The following CAST variants were observed in gnomAD, a reference collection of about 807,000 sequenced individuals.
CAST encodes MIR583 host.
In CAST, 76 loss-of-function variants were observed where a neutral mutation model predicts 119.6. That is an observed-to-expected ratio of 0.64 (90% CI 0.53 to 0.77). CAST has a LOEUF of 0.77. Among genes scored for constraint, CAST ranks in the 30% least tolerant of loss-of-function variants. The pLI, the probability that CAST is intolerant of heterozygous loss-of-function variation, is 0.00. For synonymous variants in CAST, 319 were observed against 331.6 expected (o/e 0.96, Z 0.41); for missense variants, 953 against 946.5 (o/e 1.01, Z -0.09).
intron 1 of CAST, among the ~76,000 whole-genome samples, chr5:96,670,201 G>T (rs925243270): frequency 2.6e-5 from 4 of 151,976 alleles, no homozygotes; most frequent in Non-Finnish European, 5.9e-5. Context: ...CGATGAAATT[G>T]TCGCCACATT....
the CAST span, among the ~76,000 whole-genome samples, chr5:96,256,651 G>A: frequency 1.3e-5 from 2 of 151,652 alleles, no homozygotes; most frequent in Non-Finnish European, 2.9e-5. Flanking sequence ...ACATAGAAAA[G>A]GTACAGTAAA....
the CAST span, among the ~76,000 whole-genome samples, chr5:96,231,681 T>A: frequency 1.3e-5 from 2 of 152,088 alleles, no homozygotes; most frequent in Admixed American, 1.3e-4. Context: ...TTAGAATAAT[T>A]ATGATATAAT....
chr5:96,491,062 A>T, the CAST span, among the ~76,000 whole-genome samples: 1 of 152,084 alleles, frequency 6.6e-6, no homozygotes. Flanking sequence ...AGAAAAAAAT[A>T]GGCAAAAGAG....
the CAST span, among the ~76,000 whole-genome samples, chr5:96,406,752 C>A: frequency 6.6e-6 from 1 of 152,216 alleles, no homozygotes; most frequent in Non-Finnish European, 1.5e-5. Context: ...TTTGTTCTCT[C>A]TCTAGAGAAT....
chr5:95,986,925 T>A, the CAST span, among the ~76,000 whole-genome samples: 4 of 152,160 alleles, frequency 2.6e-5, no homozygotes, highest in Admixed American at 2.6e-4. Flanking sequence ...CAGAGGCCTG[T>A]GGACCACTCC....
chr5:96,543,665 A>G (rs1745956465), intron 1 of CAST, among the ~76,000 whole-genome samples: 1 of 152,190 alleles, frequency 6.6e-6, no homozygotes, highest in African/African-American at 2.4e-5. Context: ...ATTTATTGAC[A>G]AACCCAAAAT....
the CAST span, among the ~76,000 whole-genome samples, chr5:96,491,212 A>G: frequency 0.84 from 127,026 of 151,784 alleles, 54,116 homozygotes; most frequent in Non-Finnish European, 0.94. Context: ...CAGGCCGGGC[A>G]CGGTGGCTCA....
intron 1 of CAST, among the ~76,000 whole-genome samples, chr5:96,653,338 G>C (rs1209241691): frequency 6.6e-6 from 1 of 152,180 alleles, no homozygotes; most frequent in Non-Finnish European, 1.5e-5. Flanking sequence ...ATAAATAAAT[G>C]CTGTCTCATC....
chr5:96,755,474 T>C (rs1443040140), intron 22 of CAST, among the ~76,000 whole-genome samples: 1 of 152,336 alleles, frequency 6.6e-6, no homozygotes, highest in African/African-American at 2.4e-5. Context: ...GTTGCCCCAT[T>C]TCTTCTATTT....
intron 30 of CAST, among the ~76,000 whole-genome samples, chr5:96,771,337 G>A (rs1310555636): frequency 6.6e-6 from 1 of 152,112 alleles, no homozygotes; most frequent in African/African-American, 2.4e-5. Flanking sequence ...GGAAAGGAAG[G>A]ATCACCACAG....
chr5:96,164,947 G>A, the CAST span, among the ~76,000 whole-genome samples: 8 of 152,130 alleles, frequency 5.3e-5, no homozygotes, highest in South Asian at 2.1e-4. Context: ...GGCAGCCTTG[G>A]TAGTGGGGTG....
chr5:96,302,668 G>A, the CAST span, among the ~76,000 whole-genome samples: 47 of 152,254 alleles, frequency 3.1e-4, no homozygotes, highest in East Asian at 6.0e-3. Flanking sequence ...AAAGTTCTAC[G>A]GATCCCTAGA....
the CAST span, among the ~76,000 whole-genome samples, chr5:96,068,764 A>G: frequency 6.6e-6 from 1 of 151,390 alleles, no homozygotes; most frequent in Non-Finnish European, 1.5e-5. Context: ...ATATATGCAT[A>G]TATTTAACTT....
chr5:96,181,917 A>T, the CAST span, among the ~76,000 whole-genome samples: 1 of 152,190 alleles, frequency 6.6e-6, no homozygotes, highest in African/African-American at 2.4e-5. Context: ...GGTTCCATTT[A>T]TTACTTTTTA....
intron 1 of CAST, among the ~76,000 whole-genome samples, chr5:96,537,018 T>G (rs995463115): frequency 6.6e-6 from 1 of 152,242 alleles, no homozygotes; most frequent in Non-Finnish European, 1.5e-5. Flanking sequence ...GTGCTCAAAT[T>G]AAGCACTTAA....
At chr5:96,720,064 C>G (rs1757953994) in intron 3 of CAST, among the ~76,000 whole-genome samples, 1 of 152,150 alleles carries the variant, frequency 6.6e-6, no homozygotes, top group Non-Finnish European at 1.5e-5. Context: ...TAGGCTATAG[C>G]TTTCATACGG....
In CAST at chr5:96,741,359, G is replaced by A; in HGVS notation, c.1011+1G>A. 2 of 1,599,194 alleles carry A rather than the reference G, an allele frequency of 1.3e-6. No individual in the cohort carries two copies. Among genetic ancestry groups the A allele is most frequent in the South Asian group, 1.1e-5 (1 of 90,684 alleles). The stretch of plus-strand genomic sequence containing the variant: ...TGCTGGAAAGAAAACTGAAAAAGAG[G>A]TATTGTTTTTAGTGTTGTTAAGGGA... On this transcript the variant is annotated splice_donor_variant, in intron 14 of 31. Transcript: ENST00000675179. LOFTEE classifies it high-confidence loss of function.
the CAST span, among the ~76,000 whole-genome samples, chr5:96,159,075 AT>A: frequency 6.6e-6 from 1 of 152,136 alleles, no homozygotes; most frequent in Non-Finnish European, 1.5e-5. Context: ...TTTGATGTAG[AT>A]TTTCCTTTAG....
At chr5:96,054,172 C>T in the CAST span, among the ~76,000 whole-genome samples, 4 of 151,728 alleles carry the variant, frequency 2.6e-5, no homozygotes, top group African/African-American at 9.7e-5. Flanking sequence ...TTTTCCAAAC[C>T]AGTTTAATAT....
Sources: gnomAD v4.1 joint callset for allele counts (sites outside exome capture counted in the v4.1 genomes callset) on GRCh38, gnomAD v4.1.1 for gene constraint, MANE v1.5 for transcripts, NCBI Gene and HGNC (gene_info 2026-07-23, HGNC 2026-07-21) for gene names.